The following LRCH2 variants were observed in gnomAD, a reference collection of about 807,000 sequenced individuals.
The protein encoded by LRCH2 is leucine rich repeats and calponin homology domain containing 2, also known as leucine-rich repeat and calponin homology domain-containing protein 2.
A neutral mutation model predicts 68.9 loss-of-function variants in LRCH2; 38 were observed. The ratio of observed to expected loss-of-function variants is 0.55; its 90% CI spans 0.43 to 0.72. LRCH2 has a LOEUF of 0.72. LRCH2 is among the 30% of genes least tolerant of loss of function. LRCH2 has a pLI of 0.00. For synonymous variants in LRCH2, 191 were observed against 208.1 expected (o/e 0.92, Z 0.71); for missense variants, 528 against 572.9 (o/e 0.92, Z 0.80).
Position 115,170,312 on chromosome X carries a change from G to T in LRCH2, c.985C>A (p.Pro329Thr). ...ATGTTACATTACCTGTCTGTGAGAG[G>T]CTGTGAGGGCATTCGTTTACTCAAT... Reference protein sequence around the residue: ...PSLSKRMPSQPLTDSMEDFYP... With the variant: ...PSLSKRMPSQTLTDSMEDFYP... The change falls in exon 6 of 21, where the codon CCT (proline) becomes ACT (threonine). Residue 329 changes from proline (P) to threonine (T), a missense_variant. Transcript: ENST00000317135. 8.5e-7 allele frequency: 1 copy of T among 1,177,114 alleles called. No individual in the cohort carries two copies.
intron 1 of LRCH2, among the ~76,000 whole-genome samples, chrX:115,201,688 T>G (rs868911462): frequency 2.7e-5 from 3 of 111,368 alleles, no homozygotes; most frequent in South Asian, 3.7e-4. Flanking sequence ...GAGAAAGAAA[T>G]AAAACACATC....
chrX:115,224,690 A>G (rs782250644), intron 1 of LRCH2, among the ~76,000 whole-genome samples: 8 of 109,434 alleles, frequency 7.3e-5, no homozygotes, highest in Admixed American at 1.9e-4. Context: ...TCAAAAAAAA[A>G]AAAAAAGAAA....
intron 12 of LRCH2, 64 bp from the exon 13 acceptor site, chrX:115,150,134 T>C (rs2072421485): frequency 2.4e-6 from 2 of 831,353 alleles, no homozygotes; most frequent in Admixed American, 8.0e-5. Flanking sequence ...ATATATATTA[T>C]GAACCTTAGA....
chrX:115,194,835 G>T (rs782029757), intron 1 of LRCH2, among the ~76,000 whole-genome samples: 1 of 111,352 alleles, frequency 9.0e-6, no homozygotes, highest in South Asian at 3.8e-4. Flanking sequence ...CTACTGGTGA[G>T]GTTTTTGCTT....
At position 115,134,170 on chromosome X, in the gene LRCH2, A is replaced by G. The variant is rs190225304; in HGVS notation, c.1696-3971T>C. Among the ~76,000 whole-genome samples the G allele has an allele frequency of 2.7e-5, 3 of 112,337 alleles. No individual in the cohort carries two copies. The Admixed American group carries it at 2.8e-4, about 11-fold the overall frequency. On this transcript the variant is annotated intron_variant, in intron 14 of 20. Coordinates refer to ENST00000317135, the MANE Select transcript of LRCH2 (RefSeq NM_020871.4). Reference sequence around the variant, plus strand: ...AGTCCAGAGCAAGGCCCTCTCTTCAATCCTATGAAGTCAAGGTGAGGAAGC... The same window carrying G: ...AGTCCAGAGCAAGGCCCTCTCTTCAGTCCTATGAAGTCAAGGTGAGGAAGC...
In LRCH2 at chrX:115,225,883, A is replaced by G. The variant is rs187618211; in HGVS notation, c.349+7810T>C. ...ATCAGGGGAATGTAAATCAAGAAAG[A>G]CTTCATCGAAATACCTTTTTAAACA... is the stretch of plus-strand genomic sequence containing the variant. On this transcript the variant is annotated intron_variant, in intron 1 of 20. Coordinates refer to ENST00000317135, the MANE Select transcript of LRCH2 (RefSeq NM_020871.4). 1.1e-4 allele frequency among the ~76,000 whole-genome samples: 12 copies of G among 112,150 alleles called. No homozygotes were observed. The Admixed American group carries it at 1.1e-3, about 11-fold the overall frequency.
chrX:115,150,934 G>A (rs1173807707), intron 12 of LRCH2, among the ~76,000 whole-genome samples: 2 of 110,648 alleles, frequency 1.8e-5, no homozygotes, highest in African/African-American at 6.5e-5. Context: ...AAATACCTAG[G>A]AAGAAACTTA....
intron 11 of LRCH2, among the ~76,000 whole-genome samples, chrX:115,161,906 C>T (rs1485029792): frequency 9.6e-6 from 1 of 103,946 alleles, no homozygotes; most frequent in Non-Finnish European, 1.9e-5. Flanking sequence ...CCTAATACCA[C>T]GAGAAAAATG....
At chrX:115,138,139 G>A (rs911797412) in intron 14 of LRCH2, among the ~76,000 whole-genome samples, 1 of 104,798 alleles carries the variant, frequency 9.5e-6, no homozygotes, top group Non-Finnish European at 2.0e-5. Context: ...CCCTAAGGCA[G>A]GTAATAGAAA....
intron 1 of LRCH2, 143 bp from the exon 2 acceptor site, chrX:115,188,513 GA>G: frequency 2.4e-6 from 1 of 415,251 alleles, no homozygotes; most frequent in Admixed American, 5.7e-5. Flanking sequence ...TCAATACCTT[GA>G]AGGCAAAAAA....
intron 6 of LRCH2, among the ~76,000 whole-genome samples, chrX:115,167,866 C>T (rs1003226218): frequency 7.2e-5 from 8 of 110,941 alleles, no homozygotes; most frequent in Non-Finnish European, 1.3e-4. Flanking sequence ...ATGATTAGAG[C>T]CAAAATTCAT....
In LRCH2 at chrX:115,121,284, G is replaced by A. The variant is rs782074747; in HGVS notation, c.2178+1243C>T. Among the ~76,000 whole-genome samples the A allele has an allele frequency of 5.6e-4, 62 of 111,134 alleles. 1 individual carries two copies. The highest frequency in any genetic ancestry group is 2.3e-4 in the Non-Finnish European group (12 of 53,007). On this transcript the variant is annotated intron_variant, in intron 20 of 20. Transcript: ENST00000317135. ...TAATGGCTGCAGAAAACGTTGCTAA[G>A]TTTGCTATTTCCCCACTGAAAGATT...
At chrX:115,192,666 A>G in intron 1 of LRCH2, 1 of 1,158,735 alleles carries the variant, frequency 8.6e-7, no homozygotes, top group Non-Finnish European at 1.2e-6. Context: ...ACTTGGGCCC[A>G]AAAATTCCTT....
At chrX:115,203,537 A>G (rs1371540251) in intron 1 of LRCH2, among the ~76,000 whole-genome samples, 1 of 112,647 alleles carries the variant, frequency 8.9e-6, no homozygotes, top group African/African-American at 3.2e-5. Context: ...CTTCCTATAT[A>G]CAATGGGGGT....
chrX:115,184,380 T>C, intron 3 of LRCH2, 31 bp downstream of exon 3: 1 of 1,061,831 alleles, frequency 9.4e-7, no homozygotes, highest in Admixed American at 3.1e-5. Context: ...ATTACGCATA[T>C]TGCATTAATT....
rs1478337847 is a variant in LRCH2, at chrX:115,113,104, GCGTGAC to G, written c.*106_*111del. ...AATGTAATTTTTTTAAAATCCTAAGGCGTGACCTAAGGCAAACTATTTTTGACGGAA... is the reference window on the plus strand; with the variant it reads ...AATGTAATTTTTTTAAAATCCTAAGGCTAAGGCAAACTATTTTTGACGGAA... On this transcript the variant is annotated 3_prime_UTR_variant, in exon 21 of 21. Coordinates refer to ENST00000317135, the MANE Select transcript of LRCH2 (RefSeq NM_020871.4). The G allele has an allele frequency of 2.9e-6, 2 of 690,124 alleles. No individual in the cohort carries two copies. 56.9% of individuals were successfully genotyped at this position (690,124 alleles called of 1,213,427 possible).
At chrX:115,177,306 A>T (rs181790148) in intron 5 of LRCH2, among the ~76,000 whole-genome samples, 123 of 110,475 alleles carry the variant, frequency 1.1e-3, no homozygotes, top group Non-Finnish European at 1.5e-3. Flanking sequence ...AAGTTTCCTG[A>T]TGGTGAGCTT....
intron 5 of LRCH2, among the ~76,000 whole-genome samples, chrX:115,174,468 T>C (rs2072630086): frequency 9.2e-6 from 1 of 109,279 alleles, no homozygotes; most frequent in Non-Finnish European, 1.9e-5. Context: ...ACACAGCATT[T>C]ATCTTTCTGT....
chrX:115,231,953 T>C (rs2073155362), intron 1 of LRCH2, among the ~76,000 whole-genome samples: 1 of 111,415 alleles, frequency 9.0e-6, no homozygotes, highest in South Asian at 3.8e-4. Context: ...CTAAGGGAGT[T>C]GGAGACAATT....
Sources: gnomAD v4.1 joint callset for allele counts (sites outside exome capture counted in the v4.1 genomes callset) on GRCh38, gnomAD v4.1.1 for gene constraint, MANE v1.5 for transcripts, NCBI Gene and HGNC (gene_info 2026-07-23, HGNC 2026-07-21) for gene names.